Variants in LRP1B observed in about 807,000 individuals in gnomAD.
The protein encoded by LRP1B is LDL receptor related protein 1B, also known as low-density lipoprotein receptor-related protein 1B.
A neutral mutation model predicts 556.6 loss-of-function variants in LRP1B; 217 were observed. The ratio of observed to expected loss-of-function variants is 0.39; its 90% CI spans 0.35 to 0.44. LRP1B has a LOEUF of 0.44. Ranked by LOEUF, LRP1B falls within the 20% of genes least tolerant of loss-of-function variation. The pLI is 1.00. For missense variants in LRP1B, 5,053 were observed against 5,620.8 expected, an observed-to-expected ratio of 0.90 and a Z score of 3.23; for synonymous variants, 2,047 against 1,865.8, an observed-to-expected ratio of 1.10 and a Z score of -2.50.
At chr2:140,882,158 C>A (rs186321319) in intron 25 of LRP1B, among the ~76,000 whole-genome samples, 113 of 152,218 alleles carry the variant, frequency 7.4e-4, no homozygotes, top group Non-Finnish European at 3.8e-4. Flanking sequence ...GAAAGTTTCC[C>A]TTGCTGACAC....
chr2:140,964,074 C>A (rs1696121702), intron 18 of LRP1B, among the ~76,000 whole-genome samples: 1 of 150,976 alleles, frequency 6.6e-6, no homozygotes, highest in Non-Finnish European at 1.5e-5. Flanking sequence ...TGAGTCACCT[C>A]CAATGATAGG....
rs760485973 is a variant in LRP1B, at chr2:142,130,662, A to G, written c.68T>C (p.Val23Ala). 1.9e-6 allele frequency: 3 copies of G among 1,612,768 alleles called. No homozygotes were observed. Among genetic ancestry groups the G allele is most frequent in the Non-Finnish European group, 2.5e-6 (3 of 1,179,250 alleles). The change falls in exon 1 of 91, where the codon GTG becomes GCG. Residue 23 changes from valine to alanine, a missense_variant. Around this residue, in one of 5 missense-constraint regions of LRP1B, gnomAD observed 3,619 missense variants for 3,931.9 expected, o/e 0.92. Transcript: ENST00000389484. ...GTTCTCCTTACCTCGGTCGGCTCCCACGGTCAGCACCCTGGCAATCGGCAA... is the reference window on the plus strand; with the variant it reads ...GTTCTCCTTACCTCGGTCGGCTCCCGCGGTCAGCACCCTGGCAATCGGCAA... ...GLLPIARVLT[V>A]GADRDQQLCD...
chr2:141,104,412 C>T (rs1161532153), intron 7 of LRP1B, among the ~76,000 whole-genome samples: 3 of 152,002 alleles, frequency 2.0e-5, no homozygotes, highest in East Asian at 1.9e-4. Flanking sequence ...CACTAAGAAT[C>T]GTGACTGGTG....
At chr2:141,138,384 A>G (rs1249178855) in intron 7 of LRP1B, among the ~76,000 whole-genome samples, 1 of 151,986 alleles carries the variant, frequency 6.6e-6, no homozygotes, top group Non-Finnish European at 1.5e-5. Context: ...TGCTCTTATC[A>G]CTTCTATTCA....
At chr2:140,659,926 C>A (rs1044260324) in intron 41 of LRP1B, among the ~76,000 whole-genome samples, 1 of 151,888 alleles carries the variant, frequency 6.6e-6, no homozygotes, top group Non-Finnish European at 1.5e-5. Flanking sequence ...TTCAGATATG[C>A]AACTGTTTAT....
chr2:140,418,351 TGAA>T (rs1490115713), intron 66 of LRP1B, among the ~76,000 whole-genome samples: 2 of 152,190 alleles, frequency 1.3e-5, no homozygotes, highest in Non-Finnish European at 2.9e-5. Flanking sequence ...CCCTGAATTA[TGAA>T]GGAGTGGATC....
At chr2:140,716,180 T>G (rs1030698019) in intron 36 of LRP1B, 78 bp from the exon 37 acceptor site, 1 of 1,063,868 alleles carries the variant, frequency 9.4e-7, no homozygotes, top group Non-Finnish European at 1.3e-6. Context: ...ATTAAATTTC[T>G]GAGCATTCAC....
chr2:140,647,909 T>C (rs1417172535), intron 41 of LRP1B, among the ~76,000 whole-genome samples: 1 of 152,140 alleles, frequency 6.6e-6, no homozygotes, highest in African/African-American at 2.4e-5. Context: ...GAGCTAGAAA[T>C]ACCATTTGAC....
intron 1 of LRP1B, among the ~76,000 whole-genome samples, chr2:141,840,333 G>T (rs1478493399): frequency 1.5e-5 from 2 of 133,476 alleles, no homozygotes; most frequent in Non-Finnish European, 3.0e-5. Context: ...GCGCCATCTC[G>T]GCTCACTGCA....
chr2:141,903,791 T>TAAACAGTATTTTTTA (rs1354634610), intron 1 of LRP1B, among the ~76,000 whole-genome samples: 2 of 151,904 alleles, frequency 1.3e-5, no homozygotes. Context: ...TGATAACAAA[T>TAAACAGTATTTTTTA]AACTTTACTA....
chr2:141,975,524 C>A (rs985427248), intron 1 of LRP1B, among the ~76,000 whole-genome samples: 2 of 152,056 alleles, frequency 1.3e-5, no homozygotes, highest in Non-Finnish European at 2.9e-5. Flanking sequence ...CACTGGGTGG[C>A]ACACTCTAAT....
intron 23 of LRP1B, among the ~76,000 whole-genome samples, chr2:140,899,683 C>A (rs1559182618): frequency 6.6e-6 from 1 of 152,086 alleles, no homozygotes; most frequent in Non-Finnish European, 1.5e-5. Context: ...GACTGTTTGT[C>A]TTGAATAAAA....
intron 66 of LRP1B, among the ~76,000 whole-genome samples, chr2:140,426,299 C>G (rs1204142209): frequency 6.6e-6 from 1 of 152,152 alleles, no homozygotes; most frequent in African/African-American, 2.4e-5. Flanking sequence ...CAAAAATGGA[C>G]ATGGTGAATT....
chr2:141,181,865 TTTAA>T (rs58734490), intron 7 of LRP1B, among the ~76,000 whole-genome samples: 16,339 of 151,870 alleles, frequency 0.11, 2,214 homozygotes, highest in African/African-American at 0.33. Context: ...TAACAAAAAA[TTTAA>T]TTAATGAGAA....
At chr2:141,517,235 G>C (rs1455962092) in intron 2 of LRP1B, among the ~76,000 whole-genome samples, 2 of 17,884 alleles carry the variant, frequency 1.1e-4, no homozygotes, top group Non-Finnish European at 3.3e-4. Flanking sequence ...CCTTTAGATT[G>C]ACCATGTCTT....
At chr2:140,251,693 G>GA (rs936778165) in intron 86 of LRP1B, among the ~76,000 whole-genome samples, 2 of 151,402 alleles carry the variant, frequency 1.3e-5, no homozygotes, top group African/African-American at 4.8e-5. Flanking sequence ...CTCTACACAG[G>GA]AAAAAAATAA....
At chr2:141,553,816 A>G (rs1685848764) in intron 2 of LRP1B, among the ~76,000 whole-genome samples, 1 of 138,448 alleles carries the variant, frequency 7.2e-6, no homozygotes, top group Non-Finnish European at 1.5e-5. Flanking sequence ...GATCTATATT[A>G]ATAGATATAG....
chr2:141,520,598 C>T (rs1204618209), intron 2 of LRP1B, among the ~76,000 whole-genome samples: 1 of 152,010 alleles, frequency 6.6e-6, no homozygotes, highest in Non-Finnish European at 1.5e-5. Context: ...CTCTGACTGA[C>T]TGCCTCAACT....
intron 1 of LRP1B, among the ~76,000 whole-genome samples, chr2:142,123,025 T>C (rs1245040399): frequency 1.3e-5 from 2 of 152,040 alleles, no homozygotes; most frequent in Non-Finnish European, 2.9e-5. Context: ...CAATAAATTC[T>C]GACTATCAAA....
Sources: allele counts gnomAD v4.1 joint callset (sites outside exome capture counted in the v4.1 genomes callset), GRCh38; gene constraint gnomAD v4.1.1; regional missense constraint gnomAD v4.1.1; transcripts MANE v1.5; gene names NCBI Gene and HGNC (gene_info 2026-07-23, HGNC 2026-07-21).